Variants in CNTNAP2 observed in about 807,000 individuals in gnomAD.
The protein encoded by CNTNAP2 is contactin associated protein 2.
A neutral mutation model predicts 155.2 loss-of-function variants in CNTNAP2; 98 were observed. The ratio of observed to expected loss-of-function variants is 0.63; its 90% CI spans 0.54 to 0.75. The LOEUF is 0.75. CNTNAP2 is among the 30% of genes least tolerant of loss of function. The pLI, the probability that CNTNAP2 is intolerant of heterozygous loss-of-function variation, is 0.00. For synonymous variants in CNTNAP2, 651 were observed against 631.2 expected, an observed-to-expected ratio of 1.03 and a Z score of -0.47; for missense variants, 1,727 against 1,688.1, an observed-to-expected ratio of 1.02 and a Z score of -0.40.
chr7:148,277,320 G>A (rs1796886856), intron 21 of CNTNAP2, among the ~76,000 whole-genome samples: 1 of 152,118 alleles, frequency 6.6e-6, no homozygotes, highest in Non-Finnish European at 1.5e-5. Context: ...GACTCAGGCA[G>A]TGTTCCCAGG....
At chr7:146,887,246 T>C (rs1218961680) in intron 3 of CNTNAP2, among the ~76,000 whole-genome samples, 2 of 152,060 alleles carry the variant, frequency 1.3e-5, no homozygotes, top group Non-Finnish European at 2.9e-5. Context: ...CCTCCCCAGT[T>C]CAGACAATTC....
At position 148,362,293 on chromosome 7, in the gene CNTNAP2, G is replaced by A. The variant is rs747574967; in HGVS notation, c.3476-21356G>A. On this transcript the variant is annotated intron_variant, in intron 21 of 23. Coordinates refer to ENST00000361727, the MANE Select transcript of CNTNAP2 (RefSeq NM_014141.6). Reference sequence around the variant, plus strand: ...GAAACCACCCCCATGATTCAATTACGTCCCCCCAGGTCCCTCCCTTGACAT... The same window carrying A: ...GAAACCACCCCCATGATTCAATTACATCCCCCCAGGTCCCTCCCTTGACAT... 6.6e-5 allele frequency among the ~76,000 whole-genome samples: 10 copies of A among 152,102 alleles called. No individual in the cohort carries two copies. In the South Asian group the frequency reaches 1.5e-3, roughly 22 times the overall value.
At chr7:146,793,494 CA>C (rs1237006039) in intron 2 of CNTNAP2, among the ~76,000 whole-genome samples, 3 of 152,118 alleles carry the variant, frequency 2.0e-5, no homozygotes, top group Non-Finnish European at 4.4e-5. Flanking sequence ...AGTCAGAATT[CA>C]TTTATAGCCT....
At chr7:147,296,616 A>G (rs937647963) in intron 8 of CNTNAP2, among the ~76,000 whole-genome samples, 1 of 152,224 alleles carries the variant, frequency 6.6e-6, no homozygotes, top group Non-Finnish European at 1.5e-5. Flanking sequence ...TTGGACTTAA[A>G]TCATGCCTTT....
At chr7:148,405,818 G>A in intron 22 of CNTNAP2, among the ~76,000 whole-genome samples, 1 of 151,234 alleles carries the variant, frequency 6.6e-6, no homozygotes, top group East Asian at 2.0e-4. Flanking sequence ...GTTTCACCAT[G>A]TTGGCCAGGA....
At chr7:146,759,954 C>T (rs1802062717) in intron 1 of CNTNAP2, among the ~76,000 whole-genome samples, 1 of 152,038 alleles carries the variant, frequency 6.6e-6, no homozygotes, top group Non-Finnish European at 1.5e-5. Context: ...GGTAGTTTTG[C>T]CTGAAAGAAG....
chr7:146,754,442 A>G (rs1801957641), intron 1 of CNTNAP2, among the ~76,000 whole-genome samples: 1 of 152,006 alleles, frequency 6.6e-6, no homozygotes, highest in Non-Finnish European at 1.5e-5. Flanking sequence ...TAGAACAAAA[A>G]CATGTGTCAG....
intron 20 of CNTNAP2, among the ~76,000 whole-genome samples, chr7:148,252,961 G>A (rs529946901): frequency 1.3e-5 from 2 of 152,024 alleles, no homozygotes; most frequent in South Asian, 2.1e-4. Flanking sequence ...CAACAACAAT[G>A]AGAATTTGGG....
At chr7:146,517,272 G>A (rs1331521850) in intron 1 of CNTNAP2, among the ~76,000 whole-genome samples, 6 of 151,912 alleles carry the variant, frequency 3.9e-5, no homozygotes, top group African/African-American at 1.4e-4. Context: ...GTCTTGGTAT[G>A]TATCCCCCAC....
intron 22 of CNTNAP2, among the ~76,000 whole-genome samples, chr7:148,406,187 G>A (rs1056012058): frequency 2.0e-5 from 3 of 152,052 alleles, no homozygotes; most frequent in Non-Finnish European, 4.4e-5. Flanking sequence ...AGCTGAGATC[G>A]CGCCACTGCA....
intron 13 of CNTNAP2, among the ~76,000 whole-genome samples, chr7:147,668,084 G>A (rs1795727831): frequency 2.0e-5 from 3 of 152,110 alleles, no homozygotes; most frequent in Non-Finnish European, 2.9e-5. Context: ...AGCTCCTGGA[G>A]GTTCTTGAGA....
chr7:146,606,582 G>A (rs1184825973), intron 1 of CNTNAP2, among the ~76,000 whole-genome samples: 3 of 152,042 alleles, frequency 2.0e-5, no homozygotes, highest in African/African-American at 7.2e-5. Flanking sequence ...TTTATGTTTT[G>A]TCTCTTTTGT....
rs367776377 is a variant in CNTNAP2, at chr7:146,179,852, C to T, written c.97+62879C>T. Among the ~76,000 whole-genome samples the T allele has an allele frequency of 1.4e-4, 21 of 152,114 alleles. No individual in the cohort carries two copies. The South Asian group carries it at 2.5e-3, about 18-fold the overall frequency. ...TCTATTATTTTGGTATAAATGTTGA[C>T]GAAGAAGAGATAAAAAATATTTTTA... On this transcript the variant is annotated intron_variant, in intron 1 of 23. Transcript: ENST00000361727.
At chr7:147,641,578 G>A (rs970212490) in intron 13 of CNTNAP2, among the ~76,000 whole-genome samples, 9 of 152,140 alleles carry the variant, frequency 5.9e-5, no homozygotes, top group African/African-American at 2.2e-4. Context: ...CCAAATTCCT[G>A]TGTTAAACCC....
chr7:148,395,945 C>T (rs759470127), intron 22 of CNTNAP2, among the ~76,000 whole-genome samples: 1 of 152,158 alleles, frequency 6.6e-6, no homozygotes, highest in Non-Finnish European at 1.5e-5. Flanking sequence ...TCATCCCCTA[C>T]GATAGATTTT....
At chr7:148,090,078 A>G (rs1231289145) in intron 15 of CNTNAP2, among the ~76,000 whole-genome samples, 1 of 152,012 alleles carries the variant, frequency 6.6e-6, no homozygotes, top group African/African-American at 2.4e-5. Context: ...CTAGGCTCTC[A>G]TTTTACACCA....
At chr7:147,980,519 G>A (rs553303691) in intron 15 of CNTNAP2, among the ~76,000 whole-genome samples, 5 of 152,290 alleles carry the variant, frequency 3.3e-5, no homozygotes, top group African/African-American at 9.6e-5. Context: ...TTTTGTGTCT[G>A]TGTGAGAGAG....
chr7:147,030,428 G>C (rs1799007597), intron 3 of CNTNAP2, among the ~76,000 whole-genome samples: 1 of 152,150 alleles, frequency 6.6e-6, no homozygotes, highest in African/African-American at 2.4e-5. Flanking sequence ...TGATATGCCA[G>C]AAATTTTAAA....
At chr7:147,956,621 T>A (rs143896100) in intron 14 of CNTNAP2, among the ~76,000 whole-genome samples, 34 of 152,256 alleles carry the variant, frequency 2.2e-4, no homozygotes, top group African/African-American at 7.9e-4. Flanking sequence ...GAAATGACCA[T>A]GGACCGCAGG....
Sources: allele counts gnomAD v4.1 joint callset (sites outside exome capture counted in the v4.1 genomes callset), GRCh38; gene constraint gnomAD v4.1.1; transcripts MANE v1.5; gene names NCBI Gene and HGNC (gene_info 2026-07-23, HGNC 2026-07-21).